PLIN3: variants seen among roughly 807,000 people sequenced by gnomAD.
The protein encoded by PLIN3 is perilipin-3.
Under a neutral mutation model 35.9 loss-of-function variants are expected in PLIN3, and 30 were observed. The ratio of observed to expected loss-of-function variants is 0.84; its 90% CI spans 0.62 to 1.13. PLIN3 has a LOEUF of 1.13. Among genes scored for constraint, PLIN3 ranks in the 50% most tolerant of loss-of-function variants. The pLI is 0.00. For missense variants in PLIN3, 603 were observed against 596.9 expected, an observed-to-expected ratio of 1.01 and a Z score of -0.11; for synonymous variants, 261 against 262.5, an observed-to-expected ratio of 0.99 and a Z score of 0.06.
chr19:4,850,316 G>A (rs1050893444), intron 5 of PLIN3, among the ~76,000 whole-genome samples: 29 of 150,032 alleles, frequency 1.9e-4, no homozygotes, highest in African/African-American at 4.7e-4. Context: ...TCACTCTGTC[G>A]CCCAGGCTGG....
intron 6 of PLIN3, among the ~76,000 whole-genome samples, chr19:4,846,271 A>G (rs1026937348): frequency 1.3e-5 from 2 of 151,308 alleles, no homozygotes; most frequent in African/African-American, 2.4e-5. Flanking sequence ...GCAGTGAGCC[A>G]TGATCATCCA....
Position 4,859,888 on chromosome 19 carries a change from C to G in PLIN3, c.203G>C (p.Arg68Thr), listed in dbSNP as rs960969907. Residue 68 changes from arginine (R) to threonine (T), a missense_variant, in exon 3 of 8, where the codon AGG (arginine) becomes ACG (threonine). Arg to Thr is a moderately conservative substitution (Grantham distance 71). Transcript: ENST00000221957. ...GCTGACAGCAGCCGCCGTGAGGGTC[C>G]TCACTCCCTTCTCTGCTGCGTCGCA... is the stretch of plus-strand genomic sequence containing the variant. ...TVCDAAEKGV[R>T]TLTAAAVSGA... is the part of the protein sequence containing the mutation. 2.5e-6 allele frequency: 4 copies of G among 1,613,660 alleles called. No homozygotes were observed. Among genetic ancestry groups the G allele is most frequent in the Non-Finnish European group, 2.5e-6 (3 of 1,180,028 alleles).
At chr19:4,844,517 G>A in intron 7 of PLIN3, 151 bp downstream of exon 7, 1 of 788,382 alleles carries the variant, frequency 1.3e-6, no homozygotes, top group Non-Finnish European at 1.9e-6. Flanking sequence ...AGAAATCAAG[G>A]CAGGCTTCCT....
chr19:4,843,621 C>T (rs10404288), intron 7 of PLIN3, among the ~76,000 whole-genome samples: 14,034 of 152,036 alleles, frequency 0.092, 780 homozygotes, highest in Middle Eastern at 0.28. Context: ...TGCTTGACAC[C>T]AGGAGCTCAA....
At chr19:4,840,244 G>A (rs2029875085) in intron 7 of PLIN3, among the ~76,000 whole-genome samples, 1 of 151,948 alleles carries the variant, frequency 6.6e-6, no homozygotes, top group South Asian at 2.1e-4. Context: ...GAGATTACAG[G>A]CATGAACCAC....
At chr19:4,852,408 G>T (rs1483555342) in intron 4 of PLIN3, 107 bp from the exon 5 acceptor site, 2 of 1,339,088 alleles carry the variant, frequency 1.5e-6, no homozygotes, top group Admixed American at 4.3e-5. Context: ...GCCATCCCCC[G>T]GGTGACCCCA....
Position 4,839,254 on chromosome 19 carries a change from T to C in PLIN3, c.1243A>G (p.Thr415Ala), listed in dbSNP as rs566761137. 3.7e-6 allele frequency: 6 copies of C among 1,613,326 alleles called. No homozygotes were observed. In the African/African-American group the frequency reaches 8.0e-5, roughly 22 times the overall value. Residue 415 changes from threonine to alanine, a missense_variant, in exon 8 of 8, where the codon ACG becomes GCG. Thr to Ala is a moderately conservative substitution (Grantham distance 58, BLOSUM62 0). Transcript: ENST00000221957. Reference sequence around the variant, plus strand: ...GGGGCAAAGGGTCCCACGAGCCACGTGACAGGTGTGTTCTGGGCCACATAT... The same window carrying C: ...GGGGCAAAGGGTCCCACGAGCCACGCGACAGGTGTGTTCTGGGCCACATAT... ...VEYVAQNTPV[T>A]WLVGPFAPGI...
At chr19:4,841,915 A>G (rs2029903706) in intron 7 of PLIN3, among the ~76,000 whole-genome samples, 1 of 77,192 alleles carries the variant, frequency 1.3e-5, no homozygotes, top group Non-Finnish European at 2.5e-5. Flanking sequence ...AAAAAAAAAA[A>G]AAAAAAAAAA....
chr19:4,859,550 T>A (rs910418927), intron 4 of PLIN3, 40 bp downstream of exon 4: 1 of 1,559,074 alleles, frequency 6.4e-7, no homozygotes, highest in East Asian at 2.2e-5. Flanking sequence ...CCCAGGTAGG[T>A]CCCTGTCTCG....
chr19:4,844,720 C>A lies in PLIN3; in HGVS notation c.908G>T (p.Ser303Ile). The change falls in exon 7 of 8, where the codon AGC becomes ATC. Residue 303 changes from serine (S) to isoleucine (I), a missense_variant. Coordinates refer to ENST00000221957, the MANE Select transcript of PLIN3 (RefSeq NM_005817.5). ...GCCCTGGAGCTGCTTCTGGTTCCAG[C>A]TGAGCCACATCTGGTGCAGCTTCTC... ...GQEKLHQMWL[S>I]WNQKQLQGPE... The A allele has an allele frequency of 6.2e-7, 1 of 1,607,958 alleles. No individual in the cohort carries two copies. The highest frequency in any genetic ancestry group is 8.5e-7 in the Non-Finnish European group (1 of 1,177,452).
At chr19:4,840,517 T>TTACAG (rs1215702921) in intron 7 of PLIN3, among the ~76,000 whole-genome samples, 14 of 152,244 alleles carry the variant, frequency 9.2e-5, no homozygotes, top group Non-Finnish European at 1.0e-4. Context: ...CCTCCCAAAA[T>TTACAG]GCTGGAATTA....
rs541039172 is a variant in PLIN3, at chr19:4,852,133, C to T, written c.517G>A (p.Val173Ile). ...AAGCGGGAGCCCATGACCGATTGGA[C>T]GCCGCCGGTCACTACGGACTTTGTC... ...DKTKSVVTGGVQSVMGSRLGQ... is the reference protein window; with the variant it reads ...DKTKSVVTGGIQSVMGSRLGQ... Residue 173 changes from valine to isoleucine, a missense_variant, in exon 5 of 8, where the codon GTC becomes ATC. Val to Ile is a conservative substitution (Grantham distance 29, BLOSUM62 3). Transcript: ENST00000221957. The T allele has an allele frequency of 3.5e-5, 56 of 1,614,036 alleles. No individual in the cohort carries two copies. The East Asian group carries it at 6.7e-4, about 19-fold the overall frequency.
intron 4 of PLIN3, among the ~76,000 whole-genome samples, chr19:4,853,440 C>T (rs2146207162): frequency 6.6e-6 from 1 of 152,110 alleles, no homozygotes; most frequent in South Asian, 2.1e-4. Context: ...ATTCTCCTGC[C>T]TCAGCCTCCC....
At chr19:4,854,114 G>A (rs558903322) in intron 4 of PLIN3, among the ~76,000 whole-genome samples, 1 of 151,560 alleles carries the variant, frequency 6.6e-6, no homozygotes, top group South Asian at 2.1e-4. Context: ...TTTATTTTTT[G>A]TAGAGACAAG....
intron 1 of PLIN3, among the ~76,000 whole-genome samples, chr19:4,864,451 G>A (rs1407176427): frequency 7.8e-6 from 1 of 127,946 alleles, no homozygotes; most frequent in Non-Finnish European, 1.8e-5. Context: ...CTCAGCCGTG[G>A]TTTGTTTTTT....
At chr19:4,844,868 A>G in intron 6 of PLIN3, 75 bp from the exon 7 acceptor site, 1 of 1,454,506 alleles carries the variant, frequency 6.9e-7, no homozygotes, top group Non-Finnish European at 9.2e-7. Flanking sequence ...AACCCAAGGA[A>G]TCCTTCCAGC....
rs754861514 is a variant in PLIN3 at position 4,861,429 on chromosome 19, G to A, written c.-17-18C>T. 4 of 1,585,254 alleles carry A rather than the reference G, an allele frequency of 2.5e-6. No individual in the cohort carries two copies. Among genetic ancestry groups the A allele is most frequent in the Non-Finnish European group, 3.4e-6 (4 of 1,159,758 alleles). On this transcript the variant is annotated intron_variant, in intron 1 of 7. Coordinates refer to ENST00000221957, the MANE Select transcript of PLIN3 (RefSeq NM_005817.5). ...AGCAGACGCTGAGGAGAGAGGAACA[G>A]TCAGGTACAGCCTGCCTGGCCCCAC...
At chr19:4,840,822 A>C (rs531212319) in intron 7 of PLIN3, among the ~76,000 whole-genome samples, 41 of 152,138 alleles carry the variant, frequency 2.7e-4, no homozygotes, top group Admixed American at 5.9e-4. Flanking sequence ...GCATGTGCCT[A>C]TAATCCCAGC....
chr19:4,862,360 C>T (rs908738188), intron 1 of PLIN3, among the ~76,000 whole-genome samples: 3 of 151,938 alleles, frequency 2.0e-5, no homozygotes, highest in Middle Eastern at 3.2e-3. Flanking sequence ...TCTTGATCTC[C>T]TGACCTCGTG....
Sources: gnomAD v4.1 joint callset for allele counts (sites outside exome capture counted in the v4.1 genomes callset) on GRCh38, gnomAD v4.1.1 for gene constraint, MANE v1.5 for transcripts, NCBI Gene and HGNC (gene_info 2026-07-23, HGNC 2026-07-21) for gene names.